Variants in CACNB2 observed in about 807,000 individuals in gnomAD.
CACNB2 encodes the protein voltage-dependent L-type calcium channel subunit beta-2.
Under a neutral mutation model 73.3 loss-of-function variants are expected in CACNB2, and 42 were observed. The observed-to-expected ratio is 0.57, with a 90% CI of 0.45 to 0.74. The LOEUF is 0.74. CACNB2 is among the 30% of genes least tolerant of loss of function. The pLI, the probability that CACNB2 is intolerant of heterozygous loss-of-function variation, is 0.00. For synonymous variants in CACNB2, 348 were observed against 310.3 expected (o/e 1.12, Z -1.28); for missense variants, 940 against 853.0 (o/e 1.10, Z -1.27).
At chr10:18,371,140 C>G (rs754495174) in intron 2 of CACNB2, among the ~76,000 whole-genome samples, 28 of 152,026 alleles carry the variant, frequency 1.8e-4, no homozygotes, top group Admixed American at 8.5e-4. Context: ...ATTTGATAGA[C>G]AAAAATATTA....
intron 3 of CACNB2, among the ~76,000 whole-genome samples, chr10:18,462,553 C>T (rs1461879357): frequency 6.6e-6 from 1 of 152,082 alleles, no homozygotes; most frequent in Non-Finnish European, 1.5e-5. Context: ...CTGCACCTTG[C>T]CTAGGAACTA....
intron 2 of CACNB2, chr10:18,400,976 A>G: frequency 6.2e-7 from 1 of 1,613,152 alleles, no homozygotes; most frequent in Non-Finnish European, 8.5e-7. Context: ...CTCAGCGCGC[A>G]CTGAGAACCT....
chr10:18,452,898 C>T (rs1257671608), intron 3 of CACNB2, among the ~76,000 whole-genome samples: 5 of 152,190 alleles, frequency 3.3e-5, no homozygotes, highest in South Asian at 2.1e-4. Flanking sequence ...GAATATCCCA[C>T]GCTTGATAGC....
chr10:18,157,807 A>T (rs1003706001), intron 2 of CACNB2, among the ~76,000 whole-genome samples: 1 of 152,252 alleles, frequency 6.6e-6, no homozygotes, highest in African/African-American at 2.4e-5. Flanking sequence ...ATGCAGAAAA[A>T]TTCCTACGAC....
At chr10:18,163,850 T>C (rs1182989655) in intron 2 of CACNB2, among the ~76,000 whole-genome samples, 2 of 152,044 alleles carry the variant, frequency 1.3e-5, no homozygotes, top group East Asian at 3.9e-4. Context: ...ATTAAGGTTA[T>C]GAGGTTGGTG....
chr10:18,539,519 AGACCCACGGGAGCAGT>A lies in CACNB2; in HGVS notation c.1783_1798del (p.His595ThrfsTer42). Reference sequence around the variant, plus strand: ...CACCGTGACCACAACCACAGAGACGAGACCCACGGGAGCAGTGACCACAGACACAGGGAGTCCCGGC... The same window carrying A: ...CACCGTGACCACAACCACAGAGACGAGACCACAGACACAGGGAGTCCCGGC... On this transcript the variant is annotated frameshift_variant, in exon 14 of 14. Coordinates refer to ENST00000324631, the MANE Select transcript of CACNB2 (RefSeq NM_201596.3). LOFTEE classifies it high-confidence loss of function. The A allele has an allele frequency of 1.9e-6, 3 of 1,613,934 alleles. No homozygotes were observed. Among genetic ancestry groups the A allele is most frequent in the Non-Finnish European group, 2.5e-6 (3 of 1,179,980 alleles).
intron 2 of CACNB2, among the ~76,000 whole-genome samples, chr10:18,331,849 A>G (rs977683669): frequency 3.9e-5 from 6 of 152,184 alleles, no homozygotes; most frequent in African/African-American, 1.4e-4. Flanking sequence ...GGGCCAAATC[A>G]TATCACTCTA....
chr10:18,517,037 A>C (rs918122699), intron 7 of CACNB2, among the ~76,000 whole-genome samples: 7 of 152,234 alleles, frequency 4.6e-5, no homozygotes, highest in Non-Finnish European at 1.0e-4. Context: ...TGTGAATTCA[A>C]ATGAAGCCAG....
At chr10:18,340,218 T>A (rs953748062) in intron 2 of CACNB2, among the ~76,000 whole-genome samples, 1 of 152,202 alleles carries the variant, frequency 6.6e-6, no homozygotes, top group Non-Finnish European at 1.5e-5. Flanking sequence ...AATATTGTGT[T>A]TATTATTTCA....
intron 3 of CACNB2, among the ~76,000 whole-genome samples, chr10:18,448,499 A>AAC (rs2046854944): frequency 6.8e-6 from 1 of 147,402 alleles, no homozygotes; most frequent in Non-Finnish European, 1.5e-5. Context: ...AAAAAAAAAA[A>AAC]AAGAAAAGAA....
rs141651386 is a variant in CACNB2, at chr10:18,358,307, C to G, written c.214-43617C>G. 1.2e-3 allele frequency among the ~76,000 whole-genome samples: 181 copies of G among 152,302 alleles called. 1 individual carries two copies. The highest frequency in any genetic ancestry group is 4.1e-3 in the African/African-American group (170 of 41,564). On this transcript the variant is annotated intron_variant, in intron 2 of 13. Transcript: ENST00000324631. ...TTCACCATGTTGGCCAGGCTGTTCT[C>G]AAACTCCTGGCCTCAAGTGATCCAC...
chr10:18,422,424 G>C (rs1175901533), intron 3 of CACNB2, among the ~76,000 whole-genome samples: 1 of 152,160 alleles, frequency 6.6e-6, no homozygotes, highest in African/African-American at 2.4e-5. Context: ...TGGCTTCTTA[G>C]AAAAATAAAT....
chr10:18,375,479 C>A (rs1306861574), intron 2 of CACNB2, among the ~76,000 whole-genome samples: 1 of 152,164 alleles, frequency 6.6e-6, no homozygotes, highest in Non-Finnish European at 1.5e-5. Flanking sequence ...GCCATTTAAA[C>A]TAGAAAAAGT....
intron 2 of CACNB2, among the ~76,000 whole-genome samples, chr10:18,374,773 A>G (rs2042725869): frequency 6.6e-6 from 1 of 152,050 alleles, no homozygotes; most frequent in Admixed American, 6.6e-5. Flanking sequence ...ATGCACACCC[A>G]CTGTCCTTAA....
chr10:18,315,363 A>G (rs1247262373), intron 2 of CACNB2, among the ~76,000 whole-genome samples: 1 of 142,512 alleles, frequency 7.0e-6, no homozygotes, highest in South Asian at 2.2e-4. Context: ...AAAACAAAAC[A>G]AAAACAAAAA....
At chr10:18,374,450 G>C (rs7072365) in intron 2 of CACNB2, among the ~76,000 whole-genome samples, 37,356 of 152,162 alleles carry the variant, frequency 0.25, 5,122 homozygotes, top group East Asian at 0.65. Flanking sequence ...AGGCAAGGCC[G>C]GGTACAGTGG....
chr10:18,503,394 C>T (rs577907821), intron 5 of CACNB2, among the ~76,000 whole-genome samples: 5 of 152,250 alleles, frequency 3.3e-5, no homozygotes, highest in Admixed American at 1.3e-4. Context: ...GCCAGGAGTT[C>T]GAGACCAGCC....
intron 3 of CACNB2, among the ~76,000 whole-genome samples, chr10:18,402,534 C>T (rs2044061175): frequency 6.6e-6 from 1 of 152,102 alleles, no homozygotes; most frequent in African/African-American, 2.4e-5. Context: ...TTTCCAAAAG[C>T]AACAGAGGAT....
intron 3 of CACNB2, among the ~76,000 whole-genome samples, chr10:18,496,712 G>C (rs2049841409): frequency 6.7e-6 from 1 of 149,892 alleles, no homozygotes; most frequent in South Asian, 2.1e-4. Flanking sequence ...AACTCGGGAG[G>C]CTGAGGCAGG....
Sources: allele counts gnomAD v4.1 joint callset (sites outside exome capture counted in the v4.1 genomes callset), GRCh38; gene constraint gnomAD v4.1.1; transcripts MANE v1.5; gene names NCBI Gene and HGNC (gene_info 2026-07-23, HGNC 2026-07-21).